Variants in PCDH11X observed in about 807,000 individuals in gnomAD.
PCDH11X encodes the protein protocadherin-11 X-linked.
In PCDH11X, 18 loss-of-function variants were observed where a neutral mutation model predicts 53.3. The ratio of observed to expected loss-of-function variants is 0.34; its 90% CI spans 0.23 to 0.50. PCDH11X has a LOEUF of 0.50. Ranked by LOEUF, PCDH11X falls within the 20% of genes least tolerant of loss-of-function variation. The pLI, the probability that PCDH11X is intolerant of heterozygous loss-of-function variation, is 0.98. For missense variants in PCDH11X, 570 were observed against 1,032.4 expected, an observed-to-expected ratio of 0.55 and a Z score of 6.14; for synonymous variants, 279 against 393.3, an observed-to-expected ratio of 0.71 and a Z score of 3.44.
intron 6 of PCDH11X, among the ~76,000 whole-genome samples, chrX:92,163,705 C>G (rs2065682763): frequency 9.0e-6 from 1 of 111,253 alleles, no homozygotes; most frequent in South Asian, 3.8e-4. Flanking sequence ...CCGGCTCCTG[C>G]AGGAGCAATC....
intron 8 of PCDH11X, among the ~76,000 whole-genome samples, chrX:92,335,001 C>T (rs1265477813): frequency 9.1e-6 from 1 of 109,508 alleles, no homozygotes; most frequent in Non-Finnish European, 1.9e-5. Context: ...GTTCCCCTTA[C>T]CCTTGTTGTT....
At chrX:92,125,235 C>G (rs1444010295) in intron 6 of PCDH11X, among the ~76,000 whole-genome samples, 1 of 111,278 alleles carries the variant, frequency 9.0e-6, no homozygotes, top group Non-Finnish European at 1.9e-5. Context: ...TTAGTCAAAA[C>G]AGTGGCATTA....
At position 92,403,329 on chromosome X, in the gene PCDH11X, G is replaced by GTTTTTTTTTTTTTTTT. The variant is rs1178198433; in HGVS notation, c.3343+15405_3343+15406insTTTTTTTTTTTTTTTT. 3.2e-4 allele frequency among the ~76,000 whole-genome samples: 19 copies of GTTTTTTTTTTTTTTTT among 58,799 alleles called. 2 individuals carry two copies. The highest frequency in any genetic ancestry group is 1.0e-3 in the African/African-American group (13 of 12,796). 51.1% of individuals were successfully genotyped at this position (58,799 alleles called of 115,157 possible). ...CTGGGATATGTGTCCGGGCATTTAC[G>GTTTTTTTTTTTTTTTT]TTTTTTTTTGTTTTTTTTTTTTTTT... On this transcript the variant is annotated intron_variant, in intron 9 of 10. Coordinates refer to ENST00000682573, the MANE Select transcript of PCDH11X (RefSeq NM_032968.5).
chrX:91,930,821 G>A lies in PCDH11X; in HGVS notation c.3033+51548G>A, dbSNP rs573613552. On this transcript the variant is annotated intron_variant, in intron 6 of 10. Coordinates refer to ENST00000682573, the MANE Select transcript of PCDH11X (RefSeq NM_032968.5). ...TGGAACCAGACAACATGGTAAATAA[G>A]CTTTGAAAGTAGCCTAGTGTCAGAG... Among the ~76,000 whole-genome samples the A allele has an allele frequency of 1.8e-3, 184 of 104,957 alleles. No homozygotes were observed. The South Asian group carries it at 0.021, about 12-fold the overall frequency. 91.1% of individuals were successfully genotyped at this position (104,957 alleles called of 115,157 possible).
chrX:92,590,334 A>C (rs2750623), intron 10 of PCDH11X, among the ~76,000 whole-genome samples: 3,140 of 110,484 alleles, frequency 0.028, 82 homozygotes, highest in Middle Eastern at 0.096. Flanking sequence ...GCAGGAAGAA[A>C]CTCTTGGGAA....
intron 8 of PCDH11X, among the ~76,000 whole-genome samples, chrX:92,375,785 G>A (rs1434816919): frequency 4.6e-5 from 5 of 107,724 alleles, no homozygotes; most frequent in Admixed American, 1.0e-4. Flanking sequence ...CACCACGCCC[G>A]GCTAATTTTT....
chrX:92,280,154 C>T (rs919154367), intron 8 of PCDH11X, among the ~76,000 whole-genome samples: 1 of 111,987 alleles, frequency 8.9e-6, no homozygotes, highest in Admixed American at 9.5e-5. Flanking sequence ...CAAACATACT[C>T]GGTCTAGGTG....
chrX:92,181,566 G>A lies in PCDH11X; in HGVS notation c.3034-19809G>A, dbSNP rs144046282. Among the ~76,000 whole-genome samples, 345 of 111,624 alleles carry A rather than the reference G, an allele frequency of 3.1e-3. 1 individual carries two copies. Among genetic ancestry groups the A allele is most frequent in the African/African-American group, 0.01 (320 of 30,740 alleles). On this transcript the variant is annotated intron_variant, in intron 6 of 10. Transcript: ENST00000682573. ...TTTGCAGTAGCCCCTCCCATTACAG[G>A]CCCAGAGACCTAGGAGGAAAAATGG...
At chrX:92,341,320 G>A (rs1436809334) in intron 8 of PCDH11X, among the ~76,000 whole-genome samples, 4 of 111,256 alleles carry the variant, frequency 3.6e-5, no homozygotes, top group African/African-American at 1.3e-4. Flanking sequence ...TCAAACCTTC[G>A]CCTGCTATTC....
chrX:91,860,692 A>T (rs887322966), intron 5 of PCDH11X, among the ~76,000 whole-genome samples: 7 of 111,698 alleles, frequency 6.3e-5, no homozygotes, highest in Admixed American at 2.8e-4. Flanking sequence ...AATTTTATTG[A>T]AGGCCTTTTC....
At chrX:91,885,982 A>G (rs1457293225) in intron 6 of PCDH11X, among the ~76,000 whole-genome samples, 1 of 111,206 alleles carries the variant, frequency 9.0e-6, no homozygotes, top group Non-Finnish European at 1.9e-5. Context: ...ACTTTTGACT[A>G]GTAACTATTC....
intron 10 of PCDH11X, among the ~76,000 whole-genome samples, chrX:92,602,059 T>C (rs1398192583): frequency 1.8e-5 from 2 of 112,199 alleles, no homozygotes; most frequent in African/African-American, 6.5e-5. Flanking sequence ...ACCTGTCTGC[T>C]AAAAAGCAGG....
chrX:92,261,763 T>G (rs2067720485), intron 7 of PCDH11X, among the ~76,000 whole-genome samples: 1 of 112,241 alleles, frequency 8.9e-6, no homozygotes, highest in African/African-American at 3.2e-5. Context: ...GTTAAAAATT[T>G]TTATCTATTA....
chrX:92,219,451 C>A (rs1223431767), intron 7 of PCDH11X, among the ~76,000 whole-genome samples: 2 of 110,650 alleles, frequency 1.8e-5, no homozygotes, highest in East Asian at 2.9e-4. Context: ...TTCACAATTG[C>A]TTCAAAGAGA....
intron 6 of PCDH11X, among the ~76,000 whole-genome samples, chrX:91,948,345 C>G (rs1370119428): frequency 9.1e-6 from 1 of 110,379 alleles, no homozygotes; most frequent in East Asian, 2.9e-4. Flanking sequence ...ATTTCCAATT[C>G]CATGTTCTGT....
chrX:92,093,837 A>T (rs750670596), intron 6 of PCDH11X, among the ~76,000 whole-genome samples: 85 of 111,178 alleles, frequency 7.6e-4, no homozygotes, highest in African/African-American at 2.7e-3. Context: ...CAGCATTTGT[A>T]AGAGAAATAT....
chrX:91,862,175 A>G (rs1253143253), intron 5 of PCDH11X, among the ~76,000 whole-genome samples: 1 of 109,947 alleles, frequency 9.1e-6, no homozygotes, highest in Non-Finnish European at 1.9e-5. Flanking sequence ...TAGAATTGGT[A>G]TTAGTTCTTG....
At chrX:91,879,591 T>C in intron 6 of PCDH11X, 3 of 1,024,686 alleles carry the variant, frequency 2.9e-6, no homozygotes, top group Non-Finnish European at 3.7e-6. Flanking sequence ...CTGTCCTCAG[T>C]ACCATTGTGT....
At chrX:92,429,179 C>A (rs1432583725) in intron 9 of PCDH11X, among the ~76,000 whole-genome samples, 1 of 111,464 alleles carries the variant, frequency 9.0e-6, no homozygotes, top group Non-Finnish European at 1.9e-5. Context: ...TCCCCTTCTA[C>A]CTGTATCATA....
Sources: gnomAD v4.1 joint callset for allele counts (sites outside exome capture counted in the v4.1 genomes callset) on GRCh38, gnomAD v4.1.1 for gene constraint, MANE v1.5 for transcripts, NCBI Gene and HGNC (gene_info 2026-07-23, HGNC 2026-07-21) for gene names.